GSE1: variants seen among roughly 807,000 people sequenced by gnomAD.
GSE1 encodes genetic suppressor element 1.
Under a neutral mutation model 112.6 loss-of-function variants are expected in GSE1, and 32 were observed. The observed-to-expected ratio is 0.28, with a 90% confidence interval of 0.21 to 0.38. The LOEUF (loss-of-function observed/expected upper bound fraction) is 0.38. Among genes scored for constraint, GSE1 ranks in the 10% least tolerant of loss-of-function variants. The pLI is 1.00. For synonymous variants in GSE1, 1,115 were observed against 735.6 expected (o/e 1.52, Z -8.35); for missense variants, 2,348 against 1,699.2 (o/e 1.38, Z -6.71).
intron 1 of GSE1, among the ~76,000 whole-genome samples, chr16:85,569,295 C>T (rs554621641): frequency 1.2e-3 from 184 of 152,220 alleles, no homozygotes; most frequent in African/African-American, 4.1e-3. Flanking sequence ...GCTCTGTGCT[C>T]TTGGGTAGAT....
intron 1 of GSE1, among the ~76,000 whole-genome samples, chr16:85,242,117 A>G (rs1446030866): frequency 6.6e-6 from 1 of 152,154 alleles, no homozygotes; most frequent in African/African-American, 2.4e-5. Flanking sequence ...CACTGGCATT[A>G]CAGATTCACT....
At chr16:85,664,000 T>A (rs531956975) in intron 11 of GSE1, among the ~76,000 whole-genome samples, 185 of 152,310 alleles carry the variant, frequency 1.2e-3, no homozygotes, top group African/African-American at 4.4e-3. Context: ...GTCTGCTGGG[T>A]GTTGTGTCCT....
chr16:85,250,888 C>G (rs1035649323), intron 1 of GSE1, among the ~76,000 whole-genome samples: 1 of 145,348 alleles, frequency 6.9e-6, no homozygotes, highest in African/African-American at 2.5e-5. Context: ...TTGGCCTGTT[C>G]TGGACATTTC....
At chr16:85,284,170 G>C (rs563602095) in intron 1 of GSE1, among the ~76,000 whole-genome samples, 1 of 152,202 alleles carries the variant, frequency 6.6e-6, no homozygotes, top group African/African-American at 2.4e-5. Flanking sequence ...CCGGCGGGTC[G>C]GGAGGCCGGG....
chr16:85,449,629 G>A (rs1567496298), intron 2 of GSE1, among the ~76,000 whole-genome samples: 1 of 152,226 alleles, frequency 6.6e-6, no homozygotes, highest in African/African-American at 2.4e-5. Context: ...CAAATGCCTT[G>A]TTCCCAGCCC....
intron 1 of GSE1, among the ~76,000 whole-genome samples, chr16:85,262,782 G>T (rs114837835): frequency 6.6e-6 from 1 of 152,198 alleles, no homozygotes; most frequent in East Asian, 1.9e-4. Context: ...TGCTTGCTCC[G>T]TCTCTCACAA....
chr16:85,372,439 C>T (rs1467585590), intron 2 of GSE1, among the ~76,000 whole-genome samples: 1 of 146,170 alleles, frequency 6.8e-6, no homozygotes, highest in Non-Finnish European at 1.5e-5. Context: ...AGATCATGCA[C>T]ACTGCACTCC....
chr16:85,419,190 G>A lies in GSE1; in HGVS notation c.2464+61547G>A, dbSNP rs2048770046. 6.6e-6 allele frequency among the ~76,000 whole-genome samples: 1 copy of A among 152,190 alleles called. No individual in the cohort carries two copies. Among genetic ancestry groups the A allele is most frequent in the Non-Finnish European group, 1.5e-5 (1 of 68,034 alleles). ...GAGCCTGGGGATTCTGACAGTCAGA[G>A]GCTGCCTTAGTCTCTGCAGGGACAG... On this transcript the variant is annotated intron_variant, in intron 2 of 2. Coordinates refer to the GSE1 transcript ENST00000637419. This position sits in a 1 kb window ranked among gnomAD's most constrained non-coding sequence, Gnocchi z 6.5.
At chr16:85,617,165 C>T (rs1387923380) in intron 1 of GSE1, among the ~76,000 whole-genome samples, 4 of 152,336 alleles carry the variant, frequency 2.6e-5, no homozygotes, top group East Asian at 1.9e-4. Context: ...GTCCACCTGC[C>T]CCTCCTAACC....
chr16:85,439,534 TCACA>T (rs66487058), intron 2 of GSE1, among the ~76,000 whole-genome samples: 108 of 149,768 alleles, frequency 7.2e-4, no homozygotes, highest in South Asian at 1.3e-3. Context: ...ACACGGTCTG[TCACA>T]CACACACACA....
chr16:85,416,982 G>T (rs2048717307), intron 2 of GSE1, among the ~76,000 whole-genome samples: 1 of 145,500 alleles, frequency 6.9e-6, no homozygotes, highest in African/African-American at 2.4e-5. Context: ...AGCCTCCTGG[G>T]TGGCTGGGAG....
chr16:85,404,051 C>T (rs2048184416), intron 2 of GSE1, among the ~76,000 whole-genome samples: 1 of 152,028 alleles, frequency 6.6e-6, no homozygotes, highest in Admixed American at 6.5e-5. Context: ...CGTCAGAACT[C>T]CCTCTGCCCA....
At chr16:85,417,349 G>A (rs1307021667) in intron 2 of GSE1, among the ~76,000 whole-genome samples, 1 of 152,090 alleles carries the variant, frequency 6.6e-6, no homozygotes, top group Non-Finnish European at 1.5e-5. Flanking sequence ...CATCACCCCC[G>A]GCTGACCACC....
chr16:85,639,504 C>T (rs62051379), intron 2 of GSE1, among the ~76,000 whole-genome samples: 34,091 of 152,234 alleles, frequency 0.22, 4,173 homozygotes, highest in Middle Eastern at 0.32. Context: ...GGCGCCAGGC[C>T]TAGCCTGCCT....
chr16:85,477,653 T>A (rs985376323), intron 2 of GSE1, among the ~76,000 whole-genome samples: 6 of 151,206 alleles, frequency 4.0e-5, no homozygotes, highest in African/African-American at 1.5e-4. Context: ...CTCCACCTGC[T>A]GGGTTCAAGT....
At chr16:85,356,409 G>C (rs962832999) in intron 1 of GSE1, among the ~76,000 whole-genome samples, 1 of 151,970 alleles carries the variant, frequency 6.6e-6, no homozygotes, top group Admixed American at 6.5e-5. Context: ...ACGGCTGTCA[G>C]TGGTCAGTGG....
intron 1 of GSE1, among the ~76,000 whole-genome samples, chr16:85,225,896 A>G (rs957574766): frequency 1.5e-4 from 23 of 152,200 alleles, no homozygotes; most frequent in South Asian, 4.1e-4. Flanking sequence ...CAGCACGTCA[A>G]CTGGGGCTGT....
chr16:85,370,766 C>T (rs1377173116), intron 2 of GSE1, among the ~76,000 whole-genome samples: 1 of 152,224 alleles, frequency 6.6e-6, no homozygotes, highest in African/African-American at 2.4e-5. Flanking sequence ...CTGGATGACT[C>T]TGCGAGCCCA....
intron 1 of GSE1, among the ~76,000 whole-genome samples, chr16:85,589,588 A>C (rs1229898394): frequency 6.6e-6 from 1 of 152,104 alleles, no homozygotes; most frequent in East Asian, 1.9e-4. Context: ...ATCGTGCCTG[A>C]GCATGTGTGA....
Sources: gnomAD v4.1 joint callset for allele counts (sites outside exome capture counted in the v4.1 genomes callset) on GRCh38, gnomAD v4.1.1 for gene constraint, Gnocchi (gnomAD v3.1) non-coding constraint, MANE v1.5 for transcripts, NCBI Gene and HGNC (gene_info 2026-07-23, HGNC 2026-07-21) for gene names.